The following TTC34 variants were observed in gnomAD, a reference collection of about 807,000 sequenced individuals.
TTC34 encodes tetratricopeptide repeat domain 34.
A neutral mutation model predicts 40.7 loss-of-function variants in TTC34; 44 were observed. The ratio of observed to expected loss-of-function variants is 1.08; its 90% CI spans 0.85 to 1.39. The LOEUF is 1.39. TTC34 is among the 40% of genes most tolerant of loss of function. The pLI is 0.00. For synonymous variants in TTC34, 422 were observed against 398.6 expected (o/e 1.06, Z -0.70); for missense variants, 884 against 838.0 (o/e 1.05, Z -0.68).
chr1:2,699,407 C>G (rs1476537308), intron 6 of TTC34, among the ~76,000 whole-genome samples: 1 of 106,102 alleles, frequency 9.4e-6, no homozygotes, highest in African/African-American at 3.0e-5. Context: ...GAACAGCACC[C>G]CACACCCCAA....
At position 2,645,711 on chromosome 1, in the gene TTC34, C is replaced by A; in HGVS notation, c.2227-148G>T. On this transcript the variant is annotated intron_variant, in intron 6 of 8. Coordinates refer to ENST00000401095, the Ensembl canonical transcript of TTC34. The surrounding 1 kb of genome is among the most constrained non-coding windows in gnomAD (Gnocchi z 4.7). ...GGGTCTGAACACCCAGCTTCCTGCC[C>A]CTTCCTGCTTCTCTGTGGCTGCAGC... The A allele has an allele frequency of 1.3e-6, 1 of 755,758 alleles. No homozygotes were observed. Among genetic ancestry groups the A allele is most frequent in the Non-Finnish European group, 1.9e-6 (1 of 532,660 alleles). 46.8% of individuals were successfully genotyped at this position (755,758 alleles called of 1,614,324 possible). A position where few individuals can be genotyped will look rare whatever the true frequency, so the allele number is the denominator to read the frequency against.
At chr1:2,799,572 C>T (rs1181612496) in intron 2 of TTC34, among the ~76,000 whole-genome samples, 1 of 152,108 alleles carries the variant, frequency 6.6e-6, no homozygotes, top group Non-Finnish European at 1.5e-5. Flanking sequence ...CAGAGTACCT[C>T]ACTCCACAGC....
At chr1:2,652,243 C>A (rs1420983145) in intron 6 of TTC34, among the ~76,000 whole-genome samples, 1 of 151,090 alleles carries the variant, frequency 6.6e-6, no homozygotes, top group African/African-American at 2.5e-5. Context: ...ACAGCACCCA[C>A]ACCCCCAGGT....
intron 6 of TTC34, among the ~76,000 whole-genome samples, chr1:2,764,169 C>G (rs1641721135): frequency 6.7e-6 from 1 of 148,720 alleles, no homozygotes; most frequent in Admixed American, 6.7e-5. Context: ...ACGCATAAAA[C>G]AGCACCCTGC....
rs1639010916 is a variant in TTC34 at position 2,645,813 on chromosome 1, G to C, written c.2227-250C>G. 6.6e-6 allele frequency among the ~76,000 whole-genome samples: 1 copy of C among 152,250 alleles called. No homozygotes were observed. The highest frequency in any genetic ancestry group is 1.9e-4 in the East Asian group (1 of 5,182). On this transcript the variant is annotated intron_variant, in intron 6 of 8. Coordinates refer to ENST00000401095, the Ensembl canonical transcript of TTC34. This position sits in a 1 kb window ranked among gnomAD's most constrained non-coding sequence, Gnocchi z 4.7. Reference sequence around the variant, plus strand: ...TGACCTTGACTCTGAAAGTTGTCAGGCTCAGAACCCCTTTTCTGAGGCCAA... The same window carrying C: ...TGACCTTGACTCTGAAAGTTGTCAGCCTCAGAACCCCTTTTCTGAGGCCAA...
exon 8 of TTC34, chr1:2,644,381 C>T (rs1428180977): frequency 1.3e-6 from 2 of 1,536,058 alleles, no homozygotes; most frequent in African/African-American, 1.4e-5. Flanking sequence ...CGTCTCCCTT[C>T]TTGAGCTGGA....
chr1:2,657,501 C>A (rs1324715759), intron 6 of TTC34, among the ~76,000 whole-genome samples: 4 of 97,456 alleles, frequency 4.1e-5, no homozygotes, highest in Non-Finnish European at 1.1e-4. Flanking sequence ...GCACCCACAA[C>A]CCCAGGCGAG....
chr1:2,780,605 C>T (rs1426388260), intron 6 of TTC34, among the ~76,000 whole-genome samples: 1 of 152,174 alleles, frequency 6.6e-6, no homozygotes, highest in Non-Finnish European at 1.5e-5. Flanking sequence ...TATTCTGTTT[C>T]ATTGGTCTCT....
intron 6 of TTC34, among the ~76,000 whole-genome samples, chr1:2,749,011 A>G (rs1474528111): frequency 9.1e-3 from 297 of 32,536 alleles, no homozygotes; most frequent in East Asian, 0.024. Context: ...CGCCCAGGTG[A>G]GCATCTGACA....
chr1:2,645,585 GGGT>G lies in TTC34; in HGVS notation c.2227-25_2227-23del. On this transcript the variant is annotated intron_variant, in intron 6 of 8. Coordinates refer to ENST00000401095, the Ensembl canonical transcript of TTC34. This position sits in a 1 kb window ranked among gnomAD's most constrained non-coding sequence, Gnocchi z 4.7. ...CTTCCTGCAAGGAGGGAGGGCGGGC[GGGT>G]GCAGAGTTGTCCTAAGTAGAGAAAC... 6 of 441,018 alleles carry G rather than the reference GGGT, an allele frequency of 1.4e-5. No homozygotes were observed. The highest frequency in any genetic ancestry group is 7.2e-5 in the East Asian group (1 of 13,958). The allele number at this position is 441,018 out of a possible 1,614,324, so 27.3% of individuals were successfully genotyped here.
At chr1:2,652,362 A>AC in intron 6 of TTC34, among the ~76,000 whole-genome samples, 1 of 151,258 alleles carries the variant, frequency 6.6e-6, no homozygotes, top group East Asian at 2.0e-4. Flanking sequence ...AACAGCACGC[A>AC]CACCCCCAGG....
exon 9 of TTC34, chr1:2,641,214 G>T: frequency 1.3e-6 from 1 of 751,558 alleles, no homozygotes; most frequent in Non-Finnish European, 1.9e-6. Flanking sequence ...GGAGGGTTGG[G>T]AAGGGGTGTG....
intron 2 of TTC34, among the ~76,000 whole-genome samples, chr1:2,790,928 G>A (rs1282492998): frequency 1.3e-5 from 2 of 152,180 alleles, no homozygotes; most frequent in Non-Finnish European, 2.9e-5. Flanking sequence ...GCTGCTTACT[G>A]AGGGTGGACC....
intron 6 of TTC34, among the ~76,000 whole-genome samples, chr1:2,772,960 C>G (rs538856395): frequency 1.1e-4 from 14 of 129,934 alleles, no homozygotes; most frequent in African/African-American, 2.8e-4. Flanking sequence ...ATCTGACAGC[C>G]TGGAGCAGCA....
In TTC34 at chr1:2,751,626, C is replaced by G. The variant is rs1443469738; in HGVS notation, c.2226+31983G>C. On this transcript the variant is annotated intron_variant, in intron 6 of 8. Coordinates refer to ENST00000401095, the Ensembl canonical transcript of TTC34. ...CCCACACCCCCAGGCGAGCATCTGA[C>G]GGCCTGGAACAGCACCCACACCCCC... Among the ~76,000 whole-genome samples the G allele has an allele frequency of 1.2e-4, 10 of 82,230 alleles. 1 individual carries two copies. Among genetic ancestry groups the G allele is most frequent in the African/African-American group, 4.8e-4 (7 of 14,590 alleles). The allele number at this position is 82,230 out of a possible 152,430, so 53.9% of individuals were successfully genotyped here. A position where few individuals can be genotyped will look rare whatever the true frequency, so the allele number is the denominator to read the frequency against.
In TTC34 at chr1:2,785,805, T is replaced by C. The variant is rs776426589; in HGVS notation, c.2059+14A>G. On this transcript the variant is annotated intron_variant, in intron 5 of 8. Transcript: ENST00000401095. Reference sequence around the variant, plus strand: ...CACAAGACTGGGCCCTGGGGGCAGGTGGGCAGCTCCTACCTGCGGCAAAGA... The same window carrying C: ...CACAAGACTGGGCCCTGGGGGCAGGCGGGCAGCTCCTACCTGCGGCAAAGA... The C allele has an allele frequency of 8.4e-6, 13 of 1,541,814 alleles. No homozygotes were observed. Among genetic ancestry groups the C allele is most frequent in the Non-Finnish European group, 1.0e-5 (12 of 1,142,922 alleles).
intron 6 of TTC34, among the ~76,000 whole-genome samples, chr1:2,683,812 C>T (rs1206833790): frequency 4.3e-4 from 60 of 139,950 alleles, no homozygotes; most frequent in African/African-American, 1.6e-3. Context: ...GAGCATCTGA[C>T]AGCCGGGAAC....
Position 2,645,428 on chromosome 1 carries a change from G to A in TTC34, c.2362C>T (p.Gln788Ter), listed in dbSNP as rs781760469. 1.4e-5 allele frequency: 22 copies of A among 1,535,652 alleles called. No individual in the cohort carries two copies. In the South Asian group the frequency reaches 2.6e-4, roughly 18 times the overall value. ...AGAGGGGCCCCAGTGTCTGGCAGCT[G>A]GCTCAGAAGGGCCCGGCAGTGGGAG... The change falls in exon 7 of 9, where the codon CAG becomes TAG. Residue 788 changes from glutamine to a stop codon, truncating the protein, a stop_gained. Transcript: ENST00000401095. LOFTEE classifies it high-confidence loss of function. This position sits in a 1 kb window ranked among gnomAD's most constrained non-coding sequence, Gnocchi z 4.7.
Position 2,644,290 on chromosome 1 carries a change from C to A in TTC34, c.2686G>T (p.Ala896Ser), listed in dbSNP as rs751494609. 3.9e-6 allele frequency: 6 copies of A among 1,535,026 alleles called. No homozygotes were observed. In the South Asian group the frequency reaches 7.1e-5, roughly 18 times the overall value. ...TGGGCAAGGCTCTGCCGCTCCGAGGCCTCCAGGAGATGCAGCAGGCAGCTG... is the reference window on the plus strand; with the variant it reads ...TGGGCAAGGCTCTGCCGCTCCGAGGACTCCAGGAGATGCAGCAGGCAGCTG... The change falls in exon 8 of 9, where the codon GCC becomes TCC. Residue 896 changes from alanine to serine, a missense_variant. By Grantham distance (99) the Ala-to-Ser change is moderately conservative. Transcript: ENST00000401095.
Sources: gnomAD v4.1 joint callset for allele counts (sites outside exome capture counted in the v4.1 genomes callset) on GRCh38, gnomAD v4.1.1 for gene constraint, Gnocchi (gnomAD v3.1) non-coding constraint, MANE v1.5 for transcripts, NCBI Gene and HGNC (gene_info 2026-07-23, HGNC 2026-07-21) for gene names.